NRG3: variants seen among roughly 807,000 people sequenced by gnomAD.
NRG3 encodes the protein pro-neuregulin-3, membrane-bound isoform.
In NRG3, 31 loss-of-function variants were observed where a neutral mutation model predicts 66.9. The ratio of observed to expected loss-of-function variants is 0.46; its 90% confidence interval spans 0.35 to 0.63. The LOEUF is 0.63. Ranked by LOEUF, NRG3 falls within the 20% of genes least tolerant of loss-of-function variation. The probability of loss-of-function intolerance (pLI) is 0.00; values close to 1 mark genes in which losing one functional copy is unlikely to be tolerated. For synonymous variants in NRG3, 393 were observed against 359.4 expected, an observed-to-expected ratio of 1.09 and a Z score of -1.06; for missense variants, 910 against 878.9, an observed-to-expected ratio of 1.04 and a Z score of -0.45.
intron 1 of NRG3, among the ~76,000 whole-genome samples, chr10:82,282,096 G>C (rs2079152209): frequency 6.6e-6 from 1 of 152,076 alleles, no homozygotes; most frequent in Non-Finnish European, 1.5e-5. Flanking sequence ...TCAGGAGCAG[G>C]ATAGTGGGGG....
At chr10:82,439,624 T>C (rs2090328335) in intron 2 of NRG3, among the ~76,000 whole-genome samples, 2 of 152,052 alleles carry the variant, frequency 1.3e-5, no homozygotes, top group Non-Finnish European at 1.5e-5. Context: ...ACATATCCTA[T>C]TACATTAGTT....
chr10:82,764,763 A>G (rs1565290551), intron 3 of NRG3, among the ~76,000 whole-genome samples: 1 of 152,212 alleles, frequency 6.6e-6, no homozygotes, highest in Non-Finnish European at 1.5e-5. Flanking sequence ...AACTCTAGGT[A>G]TAAAAATATA....
intron 2 of NRG3, among the ~76,000 whole-genome samples, chr10:82,729,985 G>T (rs2644207): frequency 0.56 from 85,045 of 151,904 alleles, 24,336 homozygotes; most frequent in East Asian, 0.69. Flanking sequence ...AAATTCACAC[G>T]TAAAAACCAT....
chr10:82,572,098 T>A (rs925998326), intron 2 of NRG3, among the ~76,000 whole-genome samples: 12 of 151,718 alleles, frequency 7.9e-5, no homozygotes, highest in Admixed American at 6.6e-5. Flanking sequence ...TCACAAAAAA[T>A]TTCTAAAGCT....
intron 1 of NRG3, among the ~76,000 whole-genome samples, chr10:82,347,577 T>C (rs1178501068): frequency 6.6e-6 from 1 of 151,810 alleles, no homozygotes; most frequent in Non-Finnish European, 1.5e-5. Flanking sequence ...TAGATGTCTA[T>C]TAGGTCTGCT....
chr10:82,508,523 A>C (rs551401227), intron 2 of NRG3, among the ~76,000 whole-genome samples: 1 of 152,258 alleles, frequency 6.6e-6, no homozygotes, highest in Non-Finnish European at 1.5e-5. Flanking sequence ...ATAACTACAA[A>C]CCATTGAAAG....
intron 1 of NRG3, among the ~76,000 whole-genome samples, chr10:81,977,349 A>G (rs542168374): frequency 6.6e-6 from 1 of 152,314 alleles, no homozygotes; most frequent in South Asian, 2.1e-4. Flanking sequence ...CATCTAGATC[A>G]TGCTTGACAT....
chr10:82,890,374 C>A (rs1171658435), intron 4 of NRG3, among the ~76,000 whole-genome samples: 10 of 151,830 alleles, frequency 6.6e-5, no homozygotes, highest in African/African-American at 2.2e-4. Flanking sequence ...AAACCATAAC[C>A]AAAACAAAAA....
intron 2 of NRG3, among the ~76,000 whole-genome samples, chr10:82,558,122 T>C (rs1232787326): frequency 6.6e-6 from 1 of 152,174 alleles, no homozygotes; most frequent in African/African-American, 2.4e-5. Context: ...AGAAATGCAT[T>C]GCAAATTGCA....
intron 2 of NRG3, among the ~76,000 whole-genome samples, chr10:82,730,082 T>G (rs1308783102): frequency 1.3e-5 from 2 of 148,688 alleles, no homozygotes; most frequent in Non-Finnish European, 2.9e-5. Context: ...TTTCTTTTTT[T>G]TTTTCCTTTT....
rs142414548 is a variant in NRG3 at position 82,287,362 on chromosome 10, A to G, written c.824-71377A>G. 5.9e-5 allele frequency among the ~76,000 whole-genome samples: 9 copies of G among 152,098 alleles called. No homozygotes were observed. In the East Asian group the frequency reaches 1.7e-3, roughly 30 times the overall value. ...GGTAAAAGCTCCCTGAGGCCTCCCC[A>G]GAAGCCGGGCTGATGCCAGTACCAT... On this transcript the variant is annotated intron_variant, in intron 1 of 8. Transcript: ENST00000372141.
chr10:82,925,155 G>A (rs1032949880), intron 4 of NRG3, among the ~76,000 whole-genome samples: 6 of 152,218 alleles, frequency 3.9e-5, no homozygotes, highest in Admixed American at 1.3e-4. Flanking sequence ...AATTAGAATT[G>A]GTCTTTAAAC....
chr10:82,852,379 G>T (rs556384573), intron 3 of NRG3, among the ~76,000 whole-genome samples: 1 of 152,012 alleles, frequency 6.6e-6, no homozygotes, highest in Non-Finnish European at 1.5e-5. Flanking sequence ...GTTGACAGGT[G>T]CAGCAAACCG....
intron 1 of NRG3, among the ~76,000 whole-genome samples, chr10:82,156,270 A>G (rs2071177147): frequency 6.6e-6 from 1 of 151,274 alleles, no homozygotes; most frequent in African/African-American, 2.4e-5. Flanking sequence ...TTTTTTTCAC[A>G]AACACTCATT....
At chr10:82,631,085 CCTT>C (rs1188566898) in intron 2 of NRG3, among the ~76,000 whole-genome samples, 3 of 152,078 alleles carry the variant, frequency 2.0e-5, no homozygotes, top group Non-Finnish European at 2.9e-5. Flanking sequence ...GTTACTGTAA[CCTT>C]CTTTTCAGGA....
rs142698440 is a variant in NRG3 at position 81,885,424 on chromosome 10, C to T, written c.823+9261C>T. ...ACATCTGAATTCCATCTTGGAGCCA[C>T]ACTGCGAAGTACCCATCACTGATTA... On this transcript the variant is annotated intron_variant, in intron 1 of 8. Transcript: ENST00000372141. 7.1e-3 allele frequency among the ~76,000 whole-genome samples: 1,082 copies of T among 152,252 alleles called. 10 individuals carry two copies. The highest frequency in any genetic ancestry group is 0.012 in the Admixed American group (182 of 15,284).
chr10:82,576,169 G>GT lies in NRG3; in HGVS notation c.954-162401dup, dbSNP rs554723924. ...ATCTTTTTCTCCTCTGTTTTGTTTT[G>GT]TTTTTTTAATTTTGGCAGTCTCTTC... On this transcript the variant is annotated intron_variant, in intron 2 of 8. Coordinates refer to ENST00000372141, the MANE Select transcript of NRG3 (RefSeq NM_001010848.4). 1.1e-3 allele frequency among the ~76,000 whole-genome samples: 163 copies of GT among 151,494 alleles called. 4 individuals are homozygous for GT. Among genetic ancestry groups the GT allele is most frequent in the East Asian group, 4.1e-3 (21 of 5,140 alleles).
intron 1 of NRG3, among the ~76,000 whole-genome samples, chr10:82,049,640 T>C (rs946496131): frequency 3.3e-5 from 5 of 152,044 alleles, no homozygotes; most frequent in Admixed American, 2.0e-4. Flanking sequence ...TACATTTAGA[T>C]TGCAGTGAGA....
chr10:82,074,130 TA>T (rs1283362738), intron 1 of NRG3, among the ~76,000 whole-genome samples: 2 of 151,626 alleles, frequency 1.3e-5, no homozygotes, highest in African/African-American at 4.8e-5. Context: ...TGCTGTCAGT[TA>T]GGGTGCTCAG....
Sources: gnomAD v4.1 joint callset for allele counts (sites outside exome capture counted in the v4.1 genomes callset) on GRCh38, gnomAD v4.1.1 for gene constraint, MANE v1.5 for transcripts, NCBI Gene and HGNC (gene_info 2026-07-23, HGNC 2026-07-21) for gene names.